Variants in HELLS observed in about 807,000 individuals in gnomAD.
The protein encoded by HELLS is lymphoid-specific helicase.
HELLS carries 32 observed loss-of-function variants against 120.0 expected under a neutral mutation model. The observed-to-expected ratio is 0.27, with a 90% CI of 0.20 to 0.36. The LOEUF is 0.36. Among genes scored for constraint, HELLS ranks in the 10% least tolerant of loss-of-function variants. HELLS has a pLI of 1.00. For missense variants in HELLS, 650 were observed against 993.4 expected (o/e 0.65, Z 4.65); for synonymous variants, 341 against 323.4 (o/e 1.05, Z -0.58).
In HELLS at chr10:94,581,482, C is replaced by G. The variant is rs1844865054; in HGVS notation, c.1189C>G (p.Leu397Val). 1 of 1,610,010 alleles carries G rather than the reference C, an allele frequency of 6.2e-7. No individual in the cohort carries two copies. The highest frequency in any genetic ancestry group is 8.5e-7 in the Non-Finnish European group (1 of 1,178,890). The change falls in exon 11 of 22, where the codon CTA becomes GTA. Residue 397 changes from leucine (L) to valine (V), a missense_variant. Leu to Val is a conservative substitution (Grantham distance 32). Transcript: ENST00000348459. ...QNNLSELWSL[L>V]NFLLPDVFDD... ...CAATTTATCAGAACTTTGGTCATTG[C>G]TAAACTTTTTGTTGCCAGATGTATT...
chr10:94,605,072 T>TGCC (rs1846113354), downstream of HELLS, among the ~76,000 whole-genome samples: 4 of 66,824 alleles, frequency 6.0e-5, no homozygotes, highest in Admixed American at 4.0e-4. Flanking sequence ...GTCTTGTGTC[T>TGCC]CCCCCCCCCC....
chr10:94,578,317 A>T (rs1479970280), intron 10 of HELLS, among the ~76,000 whole-genome samples: 1 of 152,172 alleles, frequency 6.6e-6, no homozygotes, highest in Non-Finnish European at 1.5e-5. Flanking sequence ...TCCATGGACC[A>T]TGGGTGGGGG....
intron 17 of HELLS, among the ~76,000 whole-genome samples, chr10:94,593,095 A>G (rs1374723744): frequency 6.6e-6 from 1 of 152,176 alleles, no homozygotes; most frequent in Non-Finnish European, 1.5e-5. Flanking sequence ...AATCTTTCTG[A>G]CAAATGCATA....
intron 10 of HELLS, among the ~76,000 whole-genome samples, chr10:94,578,155 AC>A (rs932653270): frequency 5.3e-5 from 8 of 151,538 alleles, no homozygotes; most frequent in Non-Finnish European, 1.0e-4. Context: ...GATTGCTTAA[AC>A]CCAGGAGGTG....
rs1842809282 is a variant in HELLS at position 94,547,844 on chromosome 10, C to T, written c.153+1346C>T. 2.0e-5 allele frequency among the ~76,000 whole-genome samples: 3 copies of T among 152,124 alleles called. No homozygotes were observed. The South Asian group carries it at 6.2e-4, about 32-fold the overall frequency. ...GAATGCACATTTTTTAACTACCATGCTATAGTTCCACTCCAGTAATACTCC... is the reference window on the plus strand; with the variant it reads ...GAATGCACATTTTTTAACTACCATGTTATAGTTCCACTCCAGTAATACTCC... On this transcript the variant is annotated intron_variant, in intron 2 of 21. Transcript: ENST00000348459.
intron 3 of HELLS, among the ~76,000 whole-genome samples, chr10:94,555,125 A>G (rs1217183473): frequency 6.6e-6 from 1 of 151,956 alleles, no homozygotes; most frequent in African/African-American, 2.4e-5. Flanking sequence ...CCTGGGTGAC[A>G]GAGCAAGACC....
At chr10:94,610,987 TTAAG>T (rs1331351754) in exon 10 of HELLS, 1 of 152,212 alleles carries the variant, frequency 6.6e-6, no homozygotes, top group Non-Finnish European at 1.5e-5. Flanking sequence ...TGTACATTAT[TTAAG>T]TGTGAGGGAA....
intron 2 of HELLS, among the ~76,000 whole-genome samples, chr10:94,553,573 G>C (rs959365209): frequency 8.2e-6 from 1 of 121,620 alleles, no homozygotes; most frequent in Non-Finnish European, 1.7e-5. Context: ...TTTTTTTTTG[G>C]TACGGAGTTT....
At chr10:94,562,975 A>G (rs934693733) in intron 6 of HELLS, 99 bp downstream of exon 6, 4 of 715,762 alleles carry the variant, frequency 5.6e-6, no homozygotes, top group African/African-American at 3.6e-5. Flanking sequence ...TCAATATCAC[A>G]TGAAATATGT....
chr10:94,559,207 G>A (rs1843425500), intron 4 of HELLS, among the ~76,000 whole-genome samples: 1 of 152,096 alleles, frequency 6.6e-6, no homozygotes, highest in African/African-American at 2.4e-5. Flanking sequence ...TGTATGTCAA[G>A]CATATATCCT....
At chr10:94,554,829 A>G (rs1050510693) in intron 3 of HELLS, among the ~76,000 whole-genome samples, 38 of 151,978 alleles carry the variant, frequency 2.5e-4, no homozygotes, top group African/African-American at 8.7e-4. Flanking sequence ...GATTGAATCA[A>G]TCACGTCTAT....
chr10:94,578,070 CAAAAAAA>C (rs58732872), intron 10 of HELLS, among the ~76,000 whole-genome samples: 5 of 60,840 alleles, frequency 8.2e-5, no homozygotes, highest in Admixed American at 4.8e-4. Context: ...GACTCCGTCT[CAAAAAAA>C]AAAAAAAAAA....
chr10:94,588,095 T>C (rs780535920), intron 12 of HELLS, 134 bp from the exon 13 acceptor site: 3 of 484,702 alleles, frequency 6.2e-6, no homozygotes, highest in Non-Finnish European at 1.1e-5. Context: ...TCTCAAGATA[T>C]TTTCACCTTT....
chr10:94,548,988 C>T (rs956786050), intron 2 of HELLS, among the ~76,000 whole-genome samples: 26 of 151,170 alleles, frequency 1.7e-4, no homozygotes. Context: ...AGCAAGATTC[C>T]GTCTCAAAAA....
In HELLS at chr10:94,554,141, G is replaced by C; in HGVS notation, c.169G>C (p.Asp57His). 1.3e-6 allele frequency: 2 copies of C among 1,581,476 alleles called. No homozygotes were observed. Among genetic ancestry groups the C allele is most frequent in the East Asian group, 4.7e-5 (2 of 42,866 alleles). Residue 57 changes from aspartate (D) to histidine (H), a missense_variant, in exon 3 of 22, where the codon GAT becomes CAT. Coordinates refer to ENST00000348459, the MANE Select transcript of HELLS (RefSeq NM_018063.5). The part of the protein sequence containing the change: ...KMLEKARMSW[D>H]RESTEIRYRR... ...CTTTGGATAGGCTCGCATGTCTTGG[G>C]ATAGAGAGTCGACAGAAATTCGGTA...
chr10:94,592,295 A>C lies in HELLS; in HGVS notation c.1834A>C (p.Lys612Gln). The C allele has an allele frequency of 6.2e-7, 1 of 1,611,408 alleles. No homozygotes were observed. The highest frequency in any genetic ancestry group is 8.5e-7 in the Non-Finnish European group (1 of 1,178,812). Residue 612 changes from lysine to glutamine, a missense_variant, in exon 16 of 22, where the codon AAA becomes CAA. Around this residue, in one of 9 missense-constraint regions of HELLS, gnomAD observed 191 missense variants for 259.7 expected, o/e 0.74. Transcript: ENST00000348459. Reference sequence around the variant, plus strand: ...TTTGGATCGAATGCTGCCAGAACTAAAAAAAAGAGGTCACAAGGTGGTACT... The same window carrying C: ...TTTGGATCGAATGCTGCCAGAACTACAAAAAAGAGGTCACAAGGTGGTACT... ...LILDRMLPEL[K>Q]KRGHKVLLFS... is the part of the protein sequence containing the mutation.
chr10:94,600,955 A>G (rs1326036031), intron 21 of HELLS, among the ~76,000 whole-genome samples: 1 of 152,182 alleles, frequency 6.6e-6, no homozygotes, highest in Admixed American at 6.5e-5. Context: ...TGATAATGAA[A>G]ACGGATAATA....
At chr10:94,546,011 C>T in intron 1 of HELLS, 59 bp downstream of exon 1, 2 of 1,537,944 alleles carry the variant, frequency 1.3e-6, no homozygotes, top group Admixed American at 2.0e-5. Flanking sequence ...GGTGGGCAAG[C>T]ATGGAGGCTG....
At chr10:94,608,145 A>G (rs1056652486) in intron 9 of HELLS, 1 of 160,084 alleles carries the variant, frequency 6.2e-6, no homozygotes, top group Admixed American at 6.4e-5. Flanking sequence ...CTGAATTTCT[A>G]TTTAAATTAG....
Sources: gnomAD v4.1 joint callset for allele counts (sites outside exome capture counted in the v4.1 genomes callset) on GRCh38, gnomAD v4.1.1 for gene constraint, gnomAD v4.1.1 regional missense constraint, MANE v1.5 for transcripts, NCBI Gene and HGNC (gene_info 2026-07-23, HGNC 2026-07-21) for gene names.